The following RBPMS variants were observed in gnomAD, a reference collection of about 807,000 sequenced individuals.
RBPMS encodes the protein RNA-binding protein with multiple splicing.
In RBPMS, 7 loss-of-function variants were observed where a neutral mutation model predicts 26.8. The observed-to-expected ratio is 0.26, with a 90% CI of 0.15 to 0.49. The LOEUF is 0.49. RBPMS is among the 20% of genes least tolerant of loss of function. The pLI is 0.98. For missense variants in RBPMS, 186 were observed against 250.0 expected, an observed-to-expected ratio of 0.74 and a Z score of 1.73; for synonymous variants, 96 against 93.3, an observed-to-expected ratio of 1.03 and a Z score of -0.17.
At chr8:30,438,840 C>T (rs1200700416) in intron 1 of RBPMS, among the ~76,000 whole-genome samples, 1 of 152,126 alleles carries the variant, frequency 6.6e-6, no homozygotes, top group Admixed American at 6.6e-5. Flanking sequence ...GTGGTGCAAT[C>T]TCAGCTCACT....
intron 4 of RBPMS, among the ~76,000 whole-genome samples, chr8:30,498,494 A>G (rs1355870440): frequency 6.6e-6 from 1 of 152,220 alleles, no homozygotes; most frequent in Admixed American, 6.5e-5. Context: ...AGAGACTCCA[A>G]ATTGAAGACA....
intron 7 of RBPMS, among the ~76,000 whole-genome samples, chr8:30,562,599 GT>G (rs1827592622): frequency 1.3e-5 from 2 of 152,210 alleles, no homozygotes; most frequent in Admixed American, 6.5e-5. Flanking sequence ...AATCCAAGCT[GT>G]GTAATCTTAG....
At chr8:30,417,325 C>G (rs1475816087) in intron 1 of RBPMS, among the ~76,000 whole-genome samples, 1 of 152,094 alleles carries the variant, frequency 6.6e-6, no homozygotes, top group East Asian at 1.9e-4. Context: ...TTCTTAGAGC[C>G]TTCATGGTGC....
At chr8:30,557,136 A>C (rs774149612) in intron 6 of RBPMS, among the ~76,000 whole-genome samples, 1 of 152,180 alleles carries the variant, frequency 6.6e-6, no homozygotes, top group Non-Finnish European at 1.5e-5. Context: ...ATCGCTGGTC[A>C]TATCTGGCAT....
chr8:30,486,625 T>C (rs1238889935), intron 4 of RBPMS, among the ~76,000 whole-genome samples: 2 of 136,036 alleles, frequency 1.5e-5, no homozygotes, highest in Admixed American at 7.4e-5. Context: ...GGAGTGAGAC[T>C]CTCTCTCAAA....
At chr8:30,469,673 A>G (rs375457515) in intron 1 of RBPMS, among the ~76,000 whole-genome samples, 2 of 152,238 alleles carry the variant, frequency 1.3e-5, no homozygotes, top group African/African-American at 4.8e-5. Flanking sequence ...TGCGGATGCT[A>G]AAGGCATAGT....
chr8:30,423,902 A>G (rs1811083022), intron 1 of RBPMS, among the ~76,000 whole-genome samples: 1 of 151,728 alleles, frequency 6.6e-6, no homozygotes. Context: ...CCATGGCACG[A>G]TCTTGGCTCA....
chr8:30,483,609 T>A (rs1426330094), intron 4 of RBPMS, among the ~76,000 whole-genome samples: 1 of 152,030 alleles, frequency 6.6e-6, no homozygotes. Context: ...TACGGTAAAA[T>A]ACATTTAAAA....
intron 1 of RBPMS, among the ~76,000 whole-genome samples, chr8:30,425,627 C>T (rs1328571279): frequency 6.6e-6 from 1 of 151,944 alleles, no homozygotes; most frequent in Non-Finnish European, 1.5e-5. Flanking sequence ...CTCGAACTCC[C>T]GACCTCAGGC....
chr8:30,515,014 C>A (rs528704949), intron 5 of RBPMS, among the ~76,000 whole-genome samples: 1 of 152,056 alleles, frequency 6.6e-6, no homozygotes, highest in African/African-American at 2.4e-5. Context: ...TTATTAGAGA[C>A]CATGTCTCAC....
intron 1 of RBPMS, among the ~76,000 whole-genome samples, chr8:30,431,361 TTCTTTCTTTCTCTC>T (rs1336002173): frequency 1.3e-5 from 2 of 150,630 alleles, no homozygotes; most frequent in East Asian, 3.9e-4. Context: ...TTCTTTCTCT[TTCTTTCTTTCTCTC>T]TCTTTCTTTC....
chr8:30,408,653 C>T, intron 1 of RBPMS, among the ~76,000 whole-genome samples: 1 of 152,146 alleles, frequency 6.6e-6, no homozygotes. Flanking sequence ...GAGTGCTGTG[C>T]AATTGCACAC....
chr8:30,561,063 A>T (rs1477406183), intron 7 of RBPMS, among the ~76,000 whole-genome samples: 2 of 152,186 alleles, frequency 1.3e-5, no homozygotes, highest in African/African-American at 4.8e-5. Context: ...AGGAAATGGT[A>T]ATTGTCTCTT....
intron 1 of RBPMS, among the ~76,000 whole-genome samples, chr8:30,445,035 C>T (rs1033978273): frequency 1.3e-5 from 2 of 151,876 alleles, no homozygotes; most frequent in African/African-American, 4.8e-5. Context: ...AGAGAGGTGG[C>T]TTCTGAGTTG....
chr8:30,409,890 C>G (rs1242811614), intron 1 of RBPMS, among the ~76,000 whole-genome samples: 1 of 152,148 alleles, frequency 6.6e-6, no homozygotes, highest in Non-Finnish European at 1.5e-5. Context: ...CTTGGCCTCC[C>G]AAAGTGCTGG....
intron 4 of RBPMS, among the ~76,000 whole-genome samples, chr8:30,501,704 C>T (rs1820576368): frequency 6.6e-6 from 1 of 152,134 alleles, no homozygotes. Flanking sequence ...GTGAGAAGAA[C>T]GGTGAATTAT....
At chr8:30,477,608 G>T (rs917758388) in intron 2 of RBPMS, among the ~76,000 whole-genome samples, 191 bp from the exon 3 acceptor site, 3 of 130,660 alleles carry the variant, frequency 2.3e-5, no homozygotes, top group Non-Finnish European at 3.2e-5. Flanking sequence ...TTTTTTAAAG[G>T]CCCCAAGAAT....
At chr8:30,469,337 C>T (rs1430751624) in intron 1 of RBPMS, among the ~76,000 whole-genome samples, 1 of 152,228 alleles carries the variant, frequency 6.6e-6, no homozygotes, top group African/African-American at 2.4e-5. Flanking sequence ...TAAAATGTGT[C>T]TTGCCTTTCC....
In RBPMS at chr8:30,555,961, T is replaced by C. The variant is rs994051875; in HGVS notation, c.529-2926T>C. Reference sequence around the variant, plus strand: ...TGCTGTGCACCATGAGCCCTGCCGCTCTGCCGGCTGTGGTGCGGGAACCTG... The same window carrying C: ...TGCTGTGCACCATGAGCCCTGCCGCCCTGCCGGCTGTGGTGCGGGAACCTG... On this transcript the variant is annotated intron_variant, in intron 6 of 8. Coordinates refer to ENST00000397323, the MANE Select transcript of RBPMS (RefSeq NM_001008710.3). 4.1e-6 allele frequency: 4 copies of C among 983,954 alleles called. No homozygotes were observed. In the African/African-American group the frequency reaches 7.0e-5, roughly 17 times the overall value. 61.0% of individuals were successfully genotyped at this position (983,954 alleles called of 1,614,324 possible).
Sources: allele counts gnomAD v4.1 joint callset (sites outside exome capture counted in the v4.1 genomes callset), GRCh38; gene constraint gnomAD v4.1.1; transcripts MANE v1.5; gene names NCBI Gene and HGNC (gene_info 2026-07-23, HGNC 2026-07-21).